ZFTA: variants seen among roughly 807,000 people sequenced by gnomAD.
ZFTA encodes the protein zinc finger translocation associated.
Under a neutral mutation model 41.8 loss-of-function variants are expected in ZFTA, and 35 were observed. That is an observed-to-expected ratio of 0.84 (90% confidence interval 0.64 to 1.11). The LOEUF is 1.11. ZFTA is among the 50% of genes most tolerant of loss of function. The pLI is 0.00. For missense variants in ZFTA, 964 were observed against 989.8 expected (o/e 0.97, Z 0.35); for synonymous variants, 514 against 436.4 (o/e 1.18, Z -2.22).
rs1048150023 is a variant in ZFTA, at chr11:63,763,425, C to A, written c.2030G>T (p.Arg677Leu). ...CGGGGGCCCGCTAGGCCGCTACGCC[C>A]GACACACAGCGCCAGACTTGAGGTC... is the stretch of plus-strand genomic sequence containing the variant. ...GADLKSGAVC[R>L]A The change falls in exon 5 of 5, where the codon CGG becomes CTG. Residue 677 changes from arginine to leucine, a missense_variant. By Grantham distance (102) the Arg-to-Leu change is moderately radical (BLOSUM62 -2). This residue lies in a region of ZFTA where 65 missense variants were observed against 58.9 expected (regional missense o/e 1.10). Coordinates refer to ENST00000433688, the MANE Select transcript of ZFTA (RefSeq NM_001144936.2). The A allele has an allele frequency of 1.5e-6, 2 of 1,341,632 alleles. No individual in the cohort carries two copies. The highest frequency in any genetic ancestry group is 1.9e-6 in the Non-Finnish European group (2 of 1,046,286). The allele number at this position is 1,341,632 out of a possible 1,614,324, so 83.1% of individuals were successfully genotyped here.
In ZFTA at chr11:63,764,233, C is replaced by A; in HGVS notation, c.1390G>T (p.Gly464Cys). 2 of 1,434,370 alleles carry A rather than the reference C, an allele frequency of 1.4e-6. No homozygotes were observed. The highest frequency in any genetic ancestry group is 3.0e-5 in the East Asian group (1 of 33,088). The allele number at this position is 1,434,370 out of a possible 1,614,324, so 88.9% of individuals were successfully genotyped here. Residue 464 changes from glycine (G) to cysteine (C), a missense_variant, in exon 4 of 5, where the codon GGC becomes TGC. Coordinates refer to ENST00000433688, the MANE Select transcript of ZFTA (RefSeq NM_001144936.2). ...IERHIRRRHP[G>C]STRLGGPVQA... The stretch of plus-strand genomic sequence containing the variant: ...ACAGGCCCGCCGAGGCGCGTGGAGC[C>A]CGGGTGGCGCCGGCGGATGTGGCGC...
chr11:63,764,346 T>A lies in ZFTA; in HGVS notation c.1277A>T (p.Tyr426Phe). 5.9e-6 allele frequency: 8 copies of A among 1,344,646 alleles called. No homozygotes were observed. Among genetic ancestry groups the A allele is most frequent in the Non-Finnish European group, 7.6e-6 (8 of 1,052,978 alleles). 83.3% of individuals were successfully genotyped at this position (1,344,646 alleles called of 1,614,324 possible). ...RHPQERWRLE[Y>F]LMELDGGRRG... ...CCGGCCGCCGTCCAACTCCATGAGG[T>A]ACTCCAGCCGCCAGCGCTCCTGGGG... Residue 426 changes from tyrosine to phenylalanine, a missense_variant, in exon 4 of 5, where the codon TAC becomes TTC. This residue lies in a region of ZFTA where 584 missense variants were observed against 523.1 expected (regional missense o/e 1.12). Coordinates refer to ENST00000433688, the MANE Select transcript of ZFTA (RefSeq NM_001144936.2).
rs1006385042 is a variant in ZFTA at position 63,768,646 on chromosome 11, CCGGGGCGG to C, written c.-32_-25del. On this transcript the variant is annotated 5_prime_UTR_variant, in exon 1 of 5. Coordinates refer to ENST00000433688, the MANE Select transcript of ZFTA (RefSeq NM_001144936.2). ...ATGCGCTGCGCTGCGGAGCGGGGCC[CCGGGGCGG>C]CGGGGCGCGGGGCCGCGGGGCCGGC... The C allele has an allele frequency of 1.2e-4, 114 of 977,906 alleles. No homozygotes were observed. In the African/African-American group the frequency reaches 1.9e-3, roughly 16 times the overall value. The allele number at this position is 977,906 out of a possible 1,614,324, so 60.6% of individuals were successfully genotyped here. A position where few individuals can be genotyped will look rare whatever the true frequency, so the allele number is the denominator to read the frequency against.
rs373582946 is a variant in ZFTA, at chr11:63,766,449, T to A, written c.140-145A>T. 21 of 1,141,156 alleles carry A rather than the reference T, an allele frequency of 1.8e-5. 1 individual carries two copies. The highest frequency in any genetic ancestry group is 5.8e-5 in the East Asian group (2 of 34,246). The allele number at this position is 1,141,156 out of a possible 1,614,324, so 70.7% of individuals were successfully genotyped here. On this transcript the variant is annotated intron_variant, in intron 1 of 4. Transcript: ENST00000433688. Reference sequence around the variant, plus strand: ...GGGACGGCAACAGCAATAAAAGGGATGGTAGAAGTGGGAGCCAAAACATTA... The same window carrying A: ...GGGACGGCAACAGCAATAAAAGGGAAGGTAGAAGTGGGAGCCAAAACATTA...
chr11:63,766,310 G>A lies in ZFTA; in HGVS notation c.140-6C>T. 7.0e-7 allele frequency: 1 copy of A among 1,431,022 alleles called. No individual in the cohort carries two copies. The highest frequency in any genetic ancestry group is 9.1e-7 in the Non-Finnish European group (1 of 1,098,154). 88.6% of individuals were successfully genotyped at this position (1,431,022 alleles called of 1,614,324 possible). On this transcript the variant is annotated splice_polypyrimidine_tract_variant and splice_region_variant and intron_variant, in intron 1 of 4. Transcript: ENST00000433688. ...TTCCAGCTGAAGATCTTGCCCTGAA[G>A]AAGGGGAAAGGGAGACAGTTTTTCA...
chr11:63,768,404 G>A lies in ZFTA; in HGVS notation c.139+80C>T, dbSNP rs1193553617. 1.0e-5 allele frequency: 9 copies of A among 886,506 alleles called. No individual in the cohort carries two copies. In the East Asian group the frequency reaches 4.0e-4, roughly 40 times the overall value. 54.9% of individuals were successfully genotyped at this position (886,506 alleles called of 1,614,324 possible). On this transcript the variant is annotated intron_variant, in intron 1 of 4. Transcript: ENST00000433688. Reference sequence around the variant, plus strand: ...GCCCGCGTCCCCCGCTTTGTTCGGCGGCGGAGAGGGGCCCCGAGCCGCAGC... The same window carrying A: ...GCCCGCGTCCCCCGCTTTGTTCGGCAGCGGAGAGGGGCCCCGAGCCGCAGC...
chr11:63,766,939 C>T (rs1465260025), intron 1 of ZFTA, among the ~76,000 whole-genome samples: 1 of 152,238 alleles, frequency 6.6e-6, no homozygotes, highest in Non-Finnish European at 1.5e-5. Flanking sequence ...GTTTCTGAGA[C>T]TGAAACTTCT....
rs1249531542 is a variant in ZFTA at position 63,766,177 on chromosome 11, C to G, written c.267G>C (p.Ser89=). The part of the protein sequence containing the change: ...KYSDHCEARA[S]RPGKSRIPGR... ...CAGGGATGCGGCTCTTTCCAGGCCT[C>G]GAGGCCCGGGCCTCACAGTGGTCTG... Residue 89 remains serine (S), a synonymous_variant, in exon 2 of 5, where the codon TCG becomes TCC. Coordinates refer to ENST00000433688, the MANE Select transcript of ZFTA (RefSeq NM_001144936.2). 6.6e-7 allele frequency: 1 copy of G among 1,522,402 alleles called. No homozygotes were observed. Among genetic ancestry groups the G allele is most frequent in the South Asian group, 1.3e-5 (1 of 79,434 alleles). The allele number at this position is 1,522,402 out of a possible 1,614,324, so 94.3% of individuals were successfully genotyped here. A position where few individuals can be genotyped will look rare whatever the true frequency, so the allele number is the denominator to read the frequency against.
rs1032190252 is a variant in ZFTA, at chr11:63,762,237, G to A, written c.*1181C>T. ...TCTCTGATACACGCATAATAAATAAGACATTTGCACATAAGGGTGACTGGG... is the reference window on the plus strand; with the variant it reads ...TCTCTGATACACGCATAATAAATAAAACATTTGCACATAAGGGTGACTGGG... On this transcript the variant is annotated 3_prime_UTR_variant, in exon 5 of 5. Coordinates refer to ENST00000433688, the MANE Select transcript of ZFTA (RefSeq NM_001144936.2). 2.0e-5 allele frequency: 3 copies of A among 151,858 alleles called. No homozygotes were observed. Among genetic ancestry groups the A allele is most frequent in the Admixed American group, 6.6e-5 (1 of 15,244 alleles). 9.4% of individuals were successfully genotyped at this position (151,858 alleles called of 1,614,324 possible). A position where few individuals can be genotyped will look rare whatever the true frequency, so the allele number is the denominator to read the frequency against.
intron 1 of ZFTA, among the ~76,000 whole-genome samples, chr11:63,766,635 C>G (rs2014750849): frequency 6.6e-6 from 1 of 152,130 alleles, no homozygotes; most frequent in Non-Finnish European, 1.5e-5. Context: ...AGGGAGAAAG[C>G]CAGGAGAGCA....
Position 63,765,151 on chromosome 11 carries a change from G to T in ZFTA, c.741C>A (p.Gly247=). 6.5e-7 allele frequency: 1 copy of T among 1,546,232 alleles called. No individual in the cohort carries two copies. Among genetic ancestry groups the T allele is most frequent in the Non-Finnish European group, 8.7e-7 (1 of 1,145,732 alleles). The change falls in exon 3 of 5, where the codon GGC becomes GGA. Residue 247 remains glycine (G), a synonymous_variant. Coordinates refer to ENST00000433688, the MANE Select transcript of ZFTA (RefSeq NM_001144936.2). This position sits in a 1 kb window ranked among gnomAD's most constrained non-coding sequence, Gnocchi z 4.0. ...LRLSASRRAG[G]SRGLGARRLE... The stretch of plus-strand genomic sequence containing the variant: ...GGCGCCGGGCCCCCAGCCCCCTGCT[G>T]CCCCCGGCCCTCCGGGAGGCTGAGA...
At position 63,768,487 on chromosome 11, in the gene ZFTA, C is replaced by T; in HGVS notation, c.136G>A (p.Gly46Ser). The T allele has an allele frequency of 3.3e-6, 4 of 1,199,196 alleles. No individual in the cohort carries two copies. The highest frequency in any genetic ancestry group is 3.1e-6 in the Non-Finnish European group (3 of 953,022). The allele number at this position is 1,199,196 out of a possible 1,614,324, so 74.3% of individuals were successfully genotyped here. Residue 46 changes from glycine to serine, a missense_variant, in exon 1 of 5, where the codon GGC becomes AGC. Around this residue, in one of 5 missense-constraint regions of ZFTA, gnomAD observed 111 missense variants for 93.2 expected, o/e 1.19. Transcript: ENST00000433688. The part of the protein sequence containing the change: ...SGSAEPEEDE[G>S]GQDLQLEGGA... ...GGCCGCCGGCCCCAGCTCTTACCGC[C>T]TTCGTCTTCCTCTGGCTCCGCGCTG...
At position 63,768,505 on chromosome 11, in the gene ZFTA, C is replaced by G. The variant is rs2014783922; in HGVS notation, c.118G>C (p.Glu40Gln). The change falls in exon 1 of 5, where the codon GAG becomes CAG. Residue 40 changes from glutamate (E) to glutamine (Q), a missense_variant. Coordinates refer to ENST00000433688, the MANE Select transcript of ZFTA (RefSeq NM_001144936.2). Reference sequence around the variant, plus strand: ...TTACCGCCTTCGTCTTCCTCTGGCTCCGCGCTGCCGCTCGATCCGGCGGGC... The same window carrying G: ...TTACCGCCTTCGTCTTCCTCTGGCTGCGCGCTGCCGCTCGATCCGGCGGGC... Reference protein sequence around the residue: ...LPPAGSSGSAEPEEDEGGQDL... With the variant: ...LPPAGSSGSAQPEEDEGGQDL... 1 of 1,208,172 alleles carries G rather than the reference C, an allele frequency of 8.3e-7. No individual in the cohort carries two copies. Among genetic ancestry groups the G allele is most frequent in the Non-Finnish European group, 1.0e-6 (1 of 958,626 alleles). The allele number at this position is 1,208,172 out of a possible 1,614,324, so 74.8% of individuals were successfully genotyped here.
In ZFTA at chr11:63,759,964, C is replaced by G. The variant is rs1203669943; in HGVS notation, c.*3454G>C. ...GTAAAGTAAGAACCAAACACTGCTTCCACTCCCCCTATCCTCACTCCACTT... is the reference window on the plus strand; with the variant it reads ...GTAAAGTAAGAACCAAACACTGCTTGCACTCCCCCTATCCTCACTCCACTT... On this transcript the variant is annotated 3_prime_UTR_variant, in exon 5 of 5. Transcript: ENST00000433688. The G allele has an allele frequency of 6.6e-6, 1 of 152,174 alleles. No homozygotes were observed. Among genetic ancestry groups the G allele is most frequent in the Non-Finnish European group, 1.5e-5 (1 of 68,016 alleles). The allele number at this position is 152,174 out of a possible 1,614,324, so 9.4% of individuals were successfully genotyped here.
Position 63,764,113 on chromosome 11 carries a change from G to T in ZFTA, c.1510C>A (p.Pro504Thr). Reference protein sequence around the residue: ...RPESPQGPIPPGTAAASDEGG... With the variant: ...RPESPQGPIPTGTAAASDEGG... ...TCGTCGGAGGCTGCGGCAGTGCCGG[G>T]GGGGATGGGGCCCTGGGGGGACTCG... Residue 504 changes from proline to threonine, a missense_variant, in exon 4 of 5, where the codon CCC (proline) becomes ACC (threonine). Physicochemically the swap from Pro to Thr is conservative, Grantham distance 38 (BLOSUM62 -1). Coordinates refer to ENST00000433688, the MANE Select transcript of ZFTA (RefSeq NM_001144936.2). The T allele has an allele frequency of 3.0e-6, 4 of 1,345,966 alleles. No homozygotes were observed. The East Asian group carries it at 9.2e-5, about 31-fold the overall frequency. The allele number at this position is 1,345,966 out of a possible 1,614,324, so 83.4% of individuals were successfully genotyped here.
Position 63,766,192 on chromosome 11 carries a change from A to T in ZFTA, c.252T>A (p.Cys84Ter), listed in dbSNP as rs1161433801. 2.0e-6 allele frequency: 3 copies of T among 1,531,416 alleles called. No homozygotes were observed. In the African/African-American group the frequency reaches 4.1e-5, roughly 21 times the overall value. The allele number at this position is 1,531,416 out of a possible 1,614,324, so 94.9% of individuals were successfully genotyped here. Residue 84 changes from cysteine to a stop codon, truncating the protein, a stop_gained, in exon 2 of 5, where the codon TGT becomes TGA. Coordinates refer to ENST00000433688, the MANE Select transcript of ZFTA (RefSeq NM_001144936.2). LOFTEE classifies it high-confidence loss of function. ...TTCCAGGCCTCGAGGCCCGGGCCTCACAGTGGTCTGAATATTTCCTGCCTG... is the reference window on the plus strand; with the variant it reads ...TTCCAGGCCTCGAGGCCCGGGCCTCTCAGTGGTCTGAATATTTCCTGCCTG... The part of the protein sequence containing the change: ...ASSGRKYSDH[C>*]EARASRPGKS...
In ZFTA at chr11:63,765,050, T is replaced by C. The variant is rs1242653825; in HGVS notation, c.842A>G (p.Asn281Ser). The C allele has an allele frequency of 1.9e-6, 3 of 1,548,716 alleles. No homozygotes were observed. Among genetic ancestry groups the C allele is most frequent in the African/African-American group, 2.7e-5 (2 of 72,968 alleles). The change falls in exon 3 of 5, where the codon AAC (asparagine) becomes AGC (serine). Residue 281 changes from asparagine to serine, a missense_variant. By Grantham distance (46) the Asn-to-Ser change is conservative. Coordinates refer to ENST00000433688, the MANE Select transcript of ZFTA (RefSeq NM_001144936.2). The surrounding 1 kb of genome is among the most constrained non-coding windows in gnomAD (Gnocchi z 4.0). ...ECLMDYDPRGNRLVCMACGRA... is the reference protein window; with the variant it reads ...ECLMDYDPRGSRLVCMACGRA... Reference sequence around the variant, plus strand: ...GCCACAGGCCATGCACACCAGCCGGTTCCCCCGCGGGTCATAGTCCATGAG... The same window carrying C: ...GCCACAGGCCATGCACACCAGCCGGCTCCCCCGCGGGTCATAGTCCATGAG...
Position 63,763,487 on chromosome 11 carries a change from G to A in ZFTA, c.1968C>T (p.Phe656=), listed in dbSNP as rs1207251425. The stretch of plus-strand genomic sequence containing the variant: ...CACGCGGCGCCGGGGCGGGCGGCCC[G>A]AAGCCCTCGTGGCCGTAGCAGCGCA... ...AALRCYGHEG[F]GPPAPAPRDG... Residue 656 remains phenylalanine, a synonymous_variant, in exon 5 of 5, where the codon TTC becomes TTT. Transcript: ENST00000433688. The A allele has an allele frequency of 2.0e-6, 3 of 1,523,756 alleles. No homozygotes were observed. The highest frequency in any genetic ancestry group is 2.0e-5 in the Admixed American group (1 of 48,806). The allele number at this position is 1,523,756 out of a possible 1,614,324, so 94.4% of individuals were successfully genotyped here. A position where few individuals can be genotyped will look rare whatever the true frequency, so the allele number is the denominator to read the frequency against.
chr11:63,766,391 G>C, intron 1 of ZFTA, 87 bp from the exon 2 acceptor site: 4 of 1,391,688 alleles, frequency 2.9e-6, no homozygotes, highest in Non-Finnish European at 3.7e-6. Flanking sequence ...CTGAGAAAGG[G>C]AGCTGGGGGA....
Sources: allele counts gnomAD v4.1 joint callset (sites outside exome capture counted in the v4.1 genomes callset), GRCh38; gene constraint gnomAD v4.1.1; regional missense constraint gnomAD v4.1.1; non-coding constraint Gnocchi (gnomAD v3.1); transcripts MANE v1.5; gene names NCBI Gene and HGNC (gene_info 2026-07-23, HGNC 2026-07-21).